The following PHF14 variants were observed in gnomAD, a reference collection of about 807,000 sequenced individuals.
PHF14 encodes PHD finger protein 14.
A neutral mutation model predicts 117.9 loss-of-function variants in PHF14; 55 were observed. The observed-to-expected ratio is 0.47, with a 90% CI of 0.38 to 0.58. PHF14 has a LOEUF of 0.58. Ranked by LOEUF, PHF14 falls within the 20% of genes least tolerant of loss-of-function variation. The pLI, the probability that PHF14 is intolerant of heterozygous loss-of-function variation, is 0.00. For synonymous variants in PHF14, 409 were observed against 368.6 expected (o/e 1.11, Z -1.26); for missense variants, 978 against 1,122.2 (o/e 0.87, Z 1.84).
intron 7 of PHF14, among the ~76,000 whole-genome samples, chr7:11,033,890 C>T (rs1298390973): frequency 1.3e-5 from 2 of 152,100 alleles, no homozygotes; most frequent in Non-Finnish European, 2.9e-5. Context: ...TTAATGTAGT[C>T]TCCTAATTAA....
chr7:11,111,323 C>T, intron 16 of PHF14, 27 bp from the exon 17 acceptor site: 1 of 1,075,620 alleles, frequency 9.3e-7, no homozygotes, highest in East Asian at 2.5e-5. Flanking sequence ...TTAGATACAC[C>T]TACCTATAAA....
chr7:11,006,480 A>G (rs1038553972), intron 4 of PHF14: 6 of 544,290 alleles, frequency 1.1e-5, no homozygotes, highest in East Asian at 4.9e-5. Context: ...TTTCTCCATC[A>G]GGCCGAATTA....
At chr7:11,064,387 A>G (rs1421248859) in intron 16 of PHF14, among the ~76,000 whole-genome samples, 3 of 151,916 alleles carry the variant, frequency 2.0e-5, no homozygotes, top group South Asian at 2.1e-4. Flanking sequence ...TTCAAATAAG[A>G]TATTTTAAAT....
In PHF14 at chr7:11,106,742, T is replaced by C. The variant is rs376259335; in HGVS notation, c.2655-4608T>C. ...TGACAGTATTCAAGACTAATTTTTTTGAACATTCTTGTGATGGAATTTTTA... is the reference window on the plus strand; with the variant it reads ...TGACAGTATTCAAGACTAATTTTTTCGAACATTCTTGTGATGGAATTTTTA... On this transcript the variant is annotated intron_variant, in intron 16 of 17. Transcript: ENST00000634607. 2.2e-5 allele frequency: 22 copies of C among 984,040 alleles called. No individual in the cohort carries two copies. The East Asian group carries it at 1.0e-3, about 46-fold the overall frequency. 61.0% of individuals were successfully genotyped at this position (984,040 alleles called of 1,614,324 possible).
chr7:11,118,387 A>G (rs964758508), intron 17 of PHF14, among the ~76,000 whole-genome samples: 2 of 151,876 alleles, frequency 1.3e-5, no homozygotes, highest in African/African-American at 2.4e-5. Context: ...AATTGCTTCT[A>G]GCATGTTCCT....
At chr7:11,062,159 A>T (rs1208631343) in intron 16 of PHF14, 74 bp downstream of exon 16, 1 of 1,272,080 alleles carries the variant, frequency 7.9e-7, no homozygotes. Context: ...AGAAAAAATG[A>T]AAAAACAATT....
At chr7:11,167,309 T>C (rs117810067) in intron 17 of PHF14, among the ~76,000 whole-genome samples, 2,796 of 152,350 alleles carry the variant, frequency 0.018, 33 homozygotes, top group Middle Eastern at 0.048. Flanking sequence ...TTTTGGCTCA[T>C]GTTGCTTCAA....
intron 10 of PHF14, among the ~76,000 whole-genome samples, chr7:11,037,715 A>G (rs1271217187): frequency 6.6e-6 from 1 of 152,210 alleles, no homozygotes. Context: ...ATAACTTGAC[A>G]TATAAAACGG....
chr7:11,029,810 C>T (rs116533401), intron 7 of PHF14, among the ~76,000 whole-genome samples: 1,984 of 152,162 alleles, frequency 0.013, 42 homozygotes, highest in African/African-American at 0.045. Flanking sequence ...TTTTATTGCA[C>T]ATTCATGATG....
chr7:11,161,668 C>CTAAATAAAAATATTATATTTTATT (rs1253755959), intron 17 of PHF14, among the ~76,000 whole-genome samples: 6,143 of 103,532 alleles, frequency 0.059, 1,262 homozygotes, highest in East Asian at 0.073. Flanking sequence ...GGTAAAAACT[C>CTAAATAAAAATATTATATTTTATT]TAAATAAAAA....
chr7:10,998,542 A>G (rs756507009), intron 4 of PHF14, among the ~76,000 whole-genome samples: 4 of 152,218 alleles, frequency 2.6e-5, no homozygotes, highest in Non-Finnish European at 4.4e-5. Flanking sequence ...TCATATGAAT[A>G]TGATATTAGT....
chr7:11,166,430 T>C (rs1050239564), intron 17 of PHF14, among the ~76,000 whole-genome samples: 12 of 152,180 alleles, frequency 7.9e-5, no homozygotes, highest in African/African-American at 2.7e-4. Context: ...TGCAATTTTA[T>C]TTATTATGCA....
At chr7:11,006,272 G>A (rs557913781) in intron 4 of PHF14, 129 of 370,838 alleles carry the variant, frequency 3.5e-4, no homozygotes, top group Middle Eastern at 3.0e-3. Context: ...ATGAAGTTTG[G>A]CATCTTGTGG....
intron 17 of PHF14, among the ~76,000 whole-genome samples, chr7:11,115,965 T>C (rs577210302): frequency 7.9e-5 from 12 of 152,170 alleles, no homozygotes; most frequent in Admixed American, 4.6e-4. Context: ...ATTTGAATTA[T>C]AGATAATGAT....
chr7:11,014,191 C>T lies in PHF14; in HGVS notation c.1205+285C>T, dbSNP rs546826853. The stretch of plus-strand genomic sequence containing the variant: ...TTCTCATTTTATAGGTGTATAGTAC[C>T]CAGGGCTCAGATTATTTAAATAACT... On this transcript the variant is annotated intron_variant, in intron 5 of 17. Coordinates refer to ENST00000634607, the MANE Select transcript of PHF14 (RefSeq NM_001007157.2). 3.3e-5 allele frequency among the ~76,000 whole-genome samples: 5 copies of T among 152,020 alleles called. No individual in the cohort carries two copies. The South Asian group carries it at 1.0e-3, about 32-fold the overall frequency.
chr7:11,012,230 A>G (rs991441753), intron 4 of PHF14, among the ~76,000 whole-genome samples: 2 of 152,168 alleles, frequency 1.3e-5, no homozygotes, highest in Admixed American at 1.3e-4. Context: ...TTTAAACTCA[A>G]AATCAGGGAA....
intron 16 of PHF14, among the ~76,000 whole-genome samples, chr7:11,082,974 A>G (rs931900313): frequency 6.6e-6 from 1 of 152,098 alleles, no homozygotes; most frequent in Non-Finnish European, 1.5e-5. Flanking sequence ...ACCAGCTCAC[A>G]TTCCTTTCCT....
intron 4 of PHF14, among the ~76,000 whole-genome samples, chr7:11,004,635 T>A (rs1783015528): frequency 6.6e-6 from 1 of 152,138 alleles, no homozygotes; most frequent in African/African-American, 2.4e-5. Context: ...TATCTCTCAG[T>A]CTGGATATAT....
intron 17 of PHF14, among the ~76,000 whole-genome samples, chr7:11,140,633 A>G (rs1473862478): frequency 1.3e-5 from 2 of 152,196 alleles, no homozygotes; most frequent in African/African-American, 2.4e-5. Context: ...AATATAATCC[A>G]TAACTGCAAG....
Sources: allele counts gnomAD v4.1 joint callset (sites outside exome capture counted in the v4.1 genomes callset), GRCh38; gene constraint gnomAD v4.1.1; transcripts MANE v1.5; gene names NCBI Gene and HGNC (gene_info 2026-07-23, HGNC 2026-07-21).